Variants in PRKN observed in about 807,000 individuals in gnomAD.
The protein encoded by PRKN is E3 ubiquitin-protein ligase parkin.
A neutral mutation model predicts 59.5 loss-of-function variants in PRKN; 56 were observed. The observed-to-expected ratio is 0.94, with a 90% CI of 0.76 to 1.18. The LOEUF is 1.18. PRKN is among the 50% of genes most tolerant of loss of function. The pLI is 0.00. For missense variants in PRKN, 657 were observed against 596.4 expected (o/e 1.10, Z -1.06); for synonymous variants, 250 against 222.1 (o/e 1.13, Z -1.12).
chr6:161,949,031 A>G (rs1383543311), intron 6 of PRKN, among the ~76,000 whole-genome samples: 3 of 152,186 alleles, frequency 2.0e-5, no homozygotes, highest in African/African-American at 7.2e-5. Context: ...AGTGGACTGC[A>G]GGGCTGCAGG....
At chr6:162,642,112 C>T (rs1583965735) in intron 1 of PRKN, among the ~76,000 whole-genome samples, 1 of 152,056 alleles carries the variant, frequency 6.6e-6, no homozygotes, top group Non-Finnish European at 1.5e-5. Context: ...AACAGTAGTC[C>T]TAATTTTTAG....
At chr6:161,522,110 A>G (rs973452612) in intron 9 of PRKN, among the ~76,000 whole-genome samples, 1 of 152,150 alleles carries the variant, frequency 6.6e-6, no homozygotes, top group Non-Finnish European at 1.5e-5. Context: ...TTTCTTAAAA[A>G]GCCGAGTTGG....
At chr6:162,391,572 G>A (rs1329792995) in intron 2 of PRKN, among the ~76,000 whole-genome samples, 4 of 151,674 alleles carry the variant, frequency 2.6e-5, no homozygotes, top group African/African-American at 9.7e-5. Context: ...TTTTCTTACT[G>A]CGCATGCTTG....
intron 7 of PRKN, among the ~76,000 whole-genome samples, chr6:161,644,438 C>T (rs527865675): frequency 6.6e-6 from 1 of 152,294 alleles, no homozygotes; most frequent in African/African-American, 2.4e-5. Context: ...GAAGAAAGTA[C>T]ATTTGGATTC....
At chr6:161,786,100 T>C (rs568641311) in intron 6 of PRKN, among the ~76,000 whole-genome samples, 192 bp from the exon 7 acceptor site, 79 of 152,356 alleles carry the variant, frequency 5.2e-4, no homozygotes, top group Middle Eastern at 6.8e-3. Context: ...ATGAACTACA[T>C]AGAAAACTGA....
intron 2 of PRKN, among the ~76,000 whole-genome samples, chr6:162,392,026 C>T (rs1351502727): frequency 8.0e-6 from 1 of 124,728 alleles, no homozygotes; most frequent in Non-Finnish European, 1.6e-5. Flanking sequence ...CTTAGTACTG[C>T]CATTTCATGA....
chr6:162,022,219 G>T (rs1336579144), intron 5 of PRKN, among the ~76,000 whole-genome samples: 3 of 152,120 alleles, frequency 2.0e-5, no homozygotes, highest in African/African-American at 7.2e-5. Flanking sequence ...TGGGATTGCA[G>T]GGTTGAATGG....
intron 1 of PRKN, among the ~76,000 whole-genome samples, chr6:162,707,747 ATAT>A (rs1251548365): frequency 6.6e-6 from 1 of 151,994 alleles, no homozygotes; most frequent in Non-Finnish European, 1.5e-5. Flanking sequence ...GCTAATTTTT[ATAT>A]TTTTAGTAGA....
At chr6:161,436,269 G>GAGGGTGGGAT (rs1190158719) in intron 9 of PRKN, among the ~76,000 whole-genome samples, 1 of 84,176 alleles carries the variant, frequency 1.2e-5, no homozygotes, top group African/African-American at 5.1e-5. Flanking sequence ...GCAGAGAGCA[G>GAGGGTGGGAT]GGGAGTGGAA....
At position 161,544,092 on chromosome 6, in the gene PRKN, G is replaced by A. The variant is rs755138450; in HGVS notation, c.1083+4762C>T. ...GGTACCAAAATACATTCTCTGCTGC[G>A]TTCTATCTATGTAAAAATATTCTGT... On this transcript the variant is annotated intron_variant, in intron 9 of 11. Coordinates refer to ENST00000366898, the MANE Select transcript of PRKN (RefSeq NM_004562.3). The surrounding 1 kb of genome is among the most constrained non-coding windows in gnomAD (Gnocchi z 5.5). Among the ~76,000 whole-genome samples, 7 of 152,166 alleles carry A rather than the reference G, an allele frequency of 4.6e-5. No homozygotes were observed. Among genetic ancestry groups the A allele is most frequent in the African/African-American group, 4.8e-5 (2 of 41,440 alleles).
chr6:161,503,857 G>T lies in PRKN; in HGVS notation c.1083+44997C>A, dbSNP rs566518119. Among the ~76,000 whole-genome samples the T allele has an allele frequency of 2.7e-4, 41 of 152,296 alleles. No individual in the cohort carries two copies. In the South Asian group the frequency reaches 7.7e-3, roughly 28 times the overall value. On this transcript the variant is annotated intron_variant, in intron 9 of 11. Coordinates refer to ENST00000366898, the MANE Select transcript of PRKN (RefSeq NM_004562.3). This position sits in a 1 kb window ranked among gnomAD's most constrained non-coding sequence, Gnocchi z 5.1. The stretch of plus-strand genomic sequence containing the variant: ...CCAGGAATCCACAGGCTTCTATTCT[G>T]ATAATGATGATTATATCACCACCAG...
intron 7 of PRKN, among the ~76,000 whole-genome samples, chr6:161,631,924 G>T (rs1783329870): frequency 6.6e-6 from 1 of 152,140 alleles, no homozygotes; most frequent in South Asian, 2.1e-4. Flanking sequence ...ACTGTAGAAA[G>T]TATCTGGGAA....
Position 162,431,418 on chromosome 6 carries a change from C to A in PRKN, c.171+11892G>T, listed in dbSNP as rs532306789. Among the ~76,000 whole-genome samples, 7 of 152,042 alleles carry A rather than the reference C, an allele frequency of 4.6e-5. No homozygotes were observed. In the East Asian group the frequency reaches 7.7e-4, roughly 17 times the overall value. ...ATTTTTCAGGAAGTATCTATAAAAA[C>A]ACTATATGTAAAACTATTTATAGGT... On this transcript the variant is annotated intron_variant, in intron 2 of 11. Coordinates refer to ENST00000366898, the MANE Select transcript of PRKN (RefSeq NM_004562.3).
rs780446011 is a variant in PRKN at position 161,378,443 on chromosome 6, C to T, written c.1167+8351G>A. On this transcript the variant is annotated intron_variant, in intron 10 of 11. Coordinates refer to ENST00000366898, the MANE Select transcript of PRKN (RefSeq NM_004562.3). The surrounding 1 kb of genome is among the most constrained non-coding windows in gnomAD (Gnocchi z 7.3). Reference sequence around the variant, plus strand: ...GGAGTCCTGTGTGTCCTCCACTCCTCGAGGAGACCAACTAACTGGCCAGTG... The same window carrying T: ...GGAGTCCTGTGTGTCCTCCACTCCTTGAGGAGACCAACTAACTGGCCAGTG... Among the ~76,000 whole-genome samples, 1 of 152,164 alleles carries T rather than the reference C, an allele frequency of 6.6e-6. No homozygotes were observed. The highest frequency in any genetic ancestry group is 1.5e-5 in the Non-Finnish European group (1 of 68,024).
intron 6 of PRKN, among the ~76,000 whole-genome samples, chr6:161,896,501 C>T (rs2128233613): frequency 6.6e-6 from 1 of 152,342 alleles, no homozygotes; most frequent in African/African-American, 2.4e-5. Context: ...CTGAGCACCA[C>T]CAAGCAACCT....
intron 6 of PRKN, among the ~76,000 whole-genome samples, chr6:161,925,955 G>A (rs1778954112): frequency 6.6e-6 from 1 of 152,142 alleles, no homozygotes; most frequent in African/African-American, 2.4e-5. Context: ...TTTAAGGTTT[G>A]TATTTATTAT....
chr6:161,557,313 G>A (rs565698065), intron 8 of PRKN, among the ~76,000 whole-genome samples: 58 of 152,224 alleles, frequency 3.8e-4, no homozygotes, highest in Admixed American at 3.1e-3. Context: ...CAATAAACTC[G>A]TATTTTAAGA....
At chr6:161,374,084 C>T (rs1785550754) in intron 10 of PRKN, among the ~76,000 whole-genome samples, 2 of 152,198 alleles carry the variant, frequency 1.3e-5, no homozygotes, top group Non-Finnish European at 2.9e-5. Flanking sequence ...AGCTGCTTCC[C>T]TCCTGATACT....
At chr6:161,714,983 T>G (rs911244416) in intron 7 of PRKN, among the ~76,000 whole-genome samples, 1 of 152,164 alleles carries the variant, frequency 6.6e-6, no homozygotes, top group African/African-American at 2.4e-5. Flanking sequence ...ATTTGAACGG[T>G]ATTCTTACCA....
Sources: allele counts gnomAD v4.1 joint callset (sites outside exome capture counted in the v4.1 genomes callset), GRCh38; gene constraint gnomAD v4.1.1; non-coding constraint Gnocchi (gnomAD v3.1); transcripts MANE v1.5; gene names NCBI Gene and HGNC (gene_info 2026-07-23, HGNC 2026-07-21).